PDE12: variants seen among roughly 807,000 people sequenced by gnomAD.
PDE12 encodes the protein phosphodiesterase 12, also known as 2',5'-phosphodiesterase 12.
PDE12 carries 26 observed loss-of-function variants against 45.4 expected under a neutral mutation model. The ratio of observed to expected loss-of-function variants is 0.57; its 90% CI spans 0.42 to 0.79. The LOEUF is 0.79. PDE12 is among the 30% of genes least tolerant of loss of function. The pLI, the probability that PDE12 is intolerant of heterozygous loss-of-function variation, is 0.00. For synonymous variants in PDE12, 283 were observed against 323.9 expected (o/e 0.87, Z 1.36); for missense variants, 668 against 790.0 (o/e 0.85, Z 1.85).
chr3:57,634,905 T>C, the PDE12 span: 2 of 641,454 alleles, frequency 3.1e-6, no homozygotes, highest in Non-Finnish European at 4.8e-6. Context: ...TATTAATATG[T>C]TAAGGGTTCA....
In PDE12 at chr3:57,561,555, C is replaced by CATTATTTATA; in HGVS notation, c.*1554_*1563dup. The CATTATTTATA allele has an allele frequency of 3.0e-6, 3 of 983,778 alleles. No individual in the cohort carries two copies. The highest frequency in any genetic ancestry group is 3.6e-6 in the Non-Finnish European group (3 of 828,526). The allele number at this position is 983,778 out of a possible 1,614,324, so 60.9% of individuals were successfully genotyped here. On this transcript the variant is annotated 3_prime_UTR_variant, in exon 3 of 3. Transcript: ENST00000311180. The stretch of plus-strand genomic sequence containing the variant: ...GCTTTACTAATTCAGTTATGAAATA[C>CATTATTTATA]ATTATTTATAATGCATTAGCTGTAT...
chr3:57,610,011 C>A, the PDE12 span, among the ~76,000 whole-genome samples: 1 of 152,144 alleles, frequency 6.6e-6, no homozygotes, highest in African/African-American at 2.4e-5. Context: ...CCAAATCCAG[C>A]AGCACACCAA....
chr3:57,613,995 A>C, the PDE12 span, among the ~76,000 whole-genome samples: 2 of 152,074 alleles, frequency 1.3e-5, no homozygotes, highest in East Asian at 3.9e-4. Context: ...AACACTAGTC[A>C]AAAGAAAGCC....
chr3:57,567,313 A>C (rs1392153201), downstream of PDE12, among the ~76,000 whole-genome samples: 2 of 148,204 alleles, frequency 1.3e-5, no homozygotes, highest in African/African-American at 2.5e-5. Flanking sequence ...CTCCGTGTCA[A>C]AAAAAAAAAA....
rs982980678 is a variant in PDE12, at chr3:57,566,285, G to A, written c.*6281G>A. The A allele has an allele frequency of 6.6e-6, 1 of 152,146 alleles. No homozygotes were observed. Among genetic ancestry groups the A allele is most frequent in the African/African-American group, 2.4e-5 (1 of 41,444 alleles). The allele number at this position is 152,146 out of a possible 1,614,324, so 9.4% of individuals were successfully genotyped here. On this transcript the variant is annotated 3_prime_UTR_variant, in exon 3 of 3. Transcript: ENST00000311180. ...GTGACTGGCTTCTTTTACTTAGGATGTTTTTAAGGTTCTTACTGTTGTAGG... is the reference window on the plus strand; with the variant it reads ...GTGACTGGCTTCTTTTACTTAGGATATTTTTAAGGTTCTTACTGTTGTAGG...
the PDE12 span, among the ~76,000 whole-genome samples, chr3:57,580,200 T>C: frequency 2.6e-5 from 4 of 152,286 alleles, no homozygotes; most frequent in African/African-American, 9.6e-5. Flanking sequence ...TTATATATAT[T>C]ATCTAATCCT....
downstream of PDE12, among the ~76,000 whole-genome samples, chr3:57,571,045 A>C (rs759384753): frequency 6.6e-6 from 1 of 151,162 alleles, no homozygotes; most frequent in African/African-American, 2.4e-5. Context: ...GTCTTACTAC[A>C]TTGCCAAAGC....
At chr3:57,559,538 C>T (rs758056605) in intron 2 of PDE12, 24 bp from the exon 3 acceptor site, 2 of 1,577,250 alleles carry the variant, frequency 1.3e-6, no homozygotes, top group South Asian at 1.2e-5. Flanking sequence ...AAAATACTTA[C>T]ATTAATGTTT....
the PDE12 span, among the ~76,000 whole-genome samples, chr3:57,589,363 G>A: frequency 6.6e-6 from 1 of 152,084 alleles, no homozygotes; most frequent in Admixed American, 6.6e-5. Flanking sequence ...AGGGGATCAA[G>A]GCTGCAGCGA....
chr3:57,576,890 A>G, the PDE12 span, among the ~76,000 whole-genome samples: 2 of 152,150 alleles, frequency 1.3e-5, no homozygotes, highest in African/African-American at 4.8e-5. Flanking sequence ...GGCACAGCAT[A>G]GAGAAAATGG....
At chr3:57,640,848 G>A in the PDE12 span, among the ~76,000 whole-genome samples, 1 of 152,074 alleles carries the variant, frequency 6.6e-6, no homozygotes, top group Middle Eastern at 3.4e-3. Context: ...CTTAATTAAT[G>A]TACCATTTAG....
chr3:57,564,426 T>A lies in PDE12; in HGVS notation c.*4422T>A, dbSNP rs1472469046. The A allele has an allele frequency of 5.9e-5, 9 of 152,328 alleles. No individual in the cohort carries two copies. In the South Asian group the frequency reaches 1.0e-3, roughly 18 times the overall value. The allele number at this position is 152,328 out of a possible 1,614,324, so 9.4% of individuals were successfully genotyped here. ...TTATTCATCTCTATCTTCTGTCCAA[T>A]TTATGTAATGAATGTATGTCAAAGC... On this transcript the variant is annotated 3_prime_UTR_variant, in exon 3 of 3. Coordinates refer to ENST00000311180, the MANE Select transcript of PDE12 (RefSeq NM_177966.7).
the PDE12 span, among the ~76,000 whole-genome samples, chr3:57,643,616 T>A: frequency 6.6e-6 from 1 of 151,368 alleles, no homozygotes; most frequent in African/African-American, 2.4e-5. Flanking sequence ...TCACTTGAGG[T>A]CAGGAGTTCG....
chr3:57,608,567 A>C, the PDE12 span, among the ~76,000 whole-genome samples: 1 of 151,860 alleles, frequency 6.6e-6, no homozygotes, highest in African/African-American at 2.4e-5. Context: ...TGGAAAACAA[A>C]AAAAGGCAGG....
chr3:57,602,755 G>C, the PDE12 span, among the ~76,000 whole-genome samples: 1 of 152,056 alleles, frequency 6.6e-6, no homozygotes, highest in Non-Finnish European at 1.5e-5. Context: ...AGTTTTAGTA[G>C]AGACGGTGTT....
chr3:57,570,311 A>G (rs1443438232), downstream of PDE12, among the ~76,000 whole-genome samples: 4 of 140,724 alleles, frequency 2.8e-5, no homozygotes, highest in African/African-American at 1.1e-4. Context: ...TCCCAGGTTC[A>G]AGCGAGTCTC....
chr3:57,573,868 C>T, the PDE12 span, among the ~76,000 whole-genome samples: 2 of 152,176 alleles, frequency 1.3e-5, no homozygotes, highest in Admixed American at 1.3e-4. Context: ...AGGTGTGAGC[C>T]ACCACACCCG....
At chr3:57,625,193 C>G in the PDE12 span, among the ~76,000 whole-genome samples, 2 of 152,192 alleles carry the variant, frequency 1.3e-5, no homozygotes, top group Non-Finnish European at 2.9e-5. Context: ...GTATGAGCCA[C>G]CACATACGAC....
chr3:57,556,320 C>T lies in PDE12; in HGVS notation c.-60C>T, dbSNP rs1470548726. The T allele has an allele frequency of 2.7e-6, 4 of 1,484,312 alleles. No individual in the cohort carries two copies. The African/African-American group carries it at 4.2e-5, about 16-fold the overall frequency. The allele number at this position is 1,484,312 out of a possible 1,614,324, so 91.9% of individuals were successfully genotyped here. ...GCCGGCGGCCTCGGCTCCTCAGCTC[C>T]ACCTGACAGTAGGCCGCTGATCGGC... On this transcript the variant is annotated 5_prime_UTR_variant, in exon 1 of 3. Transcript: ENST00000311180. The surrounding 1 kb of genome is among the most constrained non-coding windows in gnomAD (Gnocchi z 5.0).
Sources: allele counts gnomAD v4.1 joint callset (sites outside exome capture counted in the v4.1 genomes callset), GRCh38; gene constraint gnomAD v4.1.1; non-coding constraint Gnocchi (gnomAD v3.1); transcripts MANE v1.5; gene names NCBI Gene and HGNC (gene_info 2026-07-23, HGNC 2026-07-21).